CDH9: variants seen among roughly 807,000 people sequenced by gnomAD.
CDH9 encodes cadherin-9.
A neutral mutation model predicts 70.9 loss-of-function variants in CDH9; 28 were observed. The observed-to-expected ratio is 0.40, with a 90% CI of 0.29 to 0.54. The LOEUF (loss-of-function observed/expected upper bound fraction) is 0.54, where lower values mean the gene tolerates loss of function less well. Among genes scored for constraint, CDH9 ranks in the 20% least tolerant of loss-of-function variants. The pLI is 0.59. For synonymous variants in CDH9, 409 were observed against 343.1 expected (o/e 1.19, Z -2.12); for missense variants, 874 against 984.4 (o/e 0.89, Z 1.50).
At chr5:27,013,336 G>A (rs1742990170) in intron 1 of CDH9, among the ~76,000 whole-genome samples, 1 of 151,850 alleles carries the variant, frequency 6.6e-6, no homozygotes, top group South Asian at 2.1e-4. Context: ...AACTGCTTGA[G>A]GTCTGGTGCT....
At chr5:26,928,735 C>G (rs1254280084) in intron 2 of CDH9, among the ~76,000 whole-genome samples, 1 of 151,752 alleles carries the variant, frequency 6.6e-6, no homozygotes, top group Non-Finnish European at 1.5e-5. Context: ...AGAATATATG[C>G]TGAGGAAAGG....
At chr5:26,948,798 G>C (rs914003117) in intron 2 of CDH9, among the ~76,000 whole-genome samples, 1 of 152,250 alleles carries the variant, frequency 6.6e-6, no homozygotes, top group South Asian at 2.1e-4. Flanking sequence ...GACAAAAAAG[G>C]CTATATCTAT....
Position 26,902,547 on chromosome 5 carries a change from T to C in CDH9, c.1182A>G (p.Glu394=), listed in dbSNP as rs1184409817. Residue 394 remains glutamate, a synonymous_variant, in exon 7 of 12, where the codon GAA becomes GAG. Transcript: ENST00000231021. ...TKVSYLIEVD[E]DVKEGSIIGQ... ...CAATGATACTGCCCTCCTTTACATC[T>C]TCATCTACTTCTATCAAGTAAGAGA... is the stretch of plus-strand genomic sequence containing the variant. 6.3e-7 allele frequency: 1 copy of C among 1,592,822 alleles called. No homozygotes were observed. Among genetic ancestry groups the C allele is most frequent in the East Asian group, 2.2e-5 (1 of 44,726 alleles).
At chr5:26,955,273 G>A (rs1442959942) in intron 2 of CDH9, among the ~76,000 whole-genome samples, 1 of 152,028 alleles carries the variant, frequency 6.6e-6, no homozygotes, top group East Asian at 1.9e-4. Context: ...CCTTATTTAT[G>A]TCCTGGATAA....
At chr5:26,901,361 AT>A (rs1740851092) in intron 7 of CDH9, among the ~76,000 whole-genome samples, 2 of 151,918 alleles carry the variant, frequency 1.3e-5, no homozygotes, top group Non-Finnish European at 2.9e-5. Context: ...TACACATTGG[AT>A]TTTATGGACT....
At chr5:27,015,796 G>T (rs1330845973) in intron 1 of CDH9, among the ~76,000 whole-genome samples, 1 of 151,588 alleles carries the variant, frequency 6.6e-6, no homozygotes, top group Non-Finnish European at 1.5e-5. Flanking sequence ...TTTTATAATA[G>T]AATTCTGCTT....
intron 2 of CDH9, among the ~76,000 whole-genome samples, chr5:26,977,392 A>T (rs1351117764): frequency 1.3e-5 from 2 of 151,576 alleles, no homozygotes; most frequent in Non-Finnish European, 1.5e-5. Context: ...ATTGACATCA[A>T]ATATAATTGA....
intron 3 of CDH9, among the ~76,000 whole-genome samples, chr5:26,909,527 A>AT (rs919660200): frequency 2.0e-5 from 3 of 148,032 alleles, no homozygotes; most frequent in Admixed American, 6.7e-5. Flanking sequence ...TTTTGAGACC[A>AT]TTTTTTTTCT....
In CDH9 at chr5:26,911,715, T is replaced by C. The variant is rs112661956; in HGVS notation, c.523+3915A>G. 4.1e-4 allele frequency among the ~76,000 whole-genome samples: 62 copies of C among 152,228 alleles called. 1 individual carries two copies. The highest frequency in any genetic ancestry group is 1.5e-3 in the African/African-American group (62 of 41,550). ...AATAGAAATGGAAAATACAAAACAT[T>C]GTAATCAAAGTGTATCCCATTATCT... On this transcript the variant is annotated intron_variant, in intron 3 of 11. Transcript: ENST00000231021.
At chr5:26,982,857 A>AT (rs1010800499) in intron 2 of CDH9, among the ~76,000 whole-genome samples, 18 of 149,296 alleles carry the variant, frequency 1.2e-4, no homozygotes, top group South Asian at 8.5e-4. Context: ...TAATATTTGT[A>AT]TTTTTTTTTA....
At chr5:26,948,014 T>C (rs1223156112) in intron 2 of CDH9, among the ~76,000 whole-genome samples, 1 of 152,114 alleles carries the variant, frequency 6.6e-6, no homozygotes, top group African/African-American at 2.4e-5. Context: ...TCGAAACTTC[T>C]CCATTTATTG....
At position 26,931,008 on chromosome 5, in the gene CDH9, T is replaced by C. The variant is rs868159493; in HGVS notation, c.229-15084A>G. Among the ~76,000 whole-genome samples the C allele has an allele frequency of 2.8e-4, 42 of 152,300 alleles. No homozygotes were observed. The South Asian group carries it at 4.1e-3, about 15-fold the overall frequency. On this transcript the variant is annotated intron_variant, in intron 2 of 11. Transcript: ENST00000231021. ...AAAACCAATTATAATCCTACTTCTA[T>C]GCAATGTATTTCCACTATAAAGATT...
intron 1 of CDH9, among the ~76,000 whole-genome samples, chr5:27,001,844 ACTCTCT>A (rs141271541): frequency 1.3e-3 from 178 of 141,904 alleles, no homozygotes; most frequent in Non-Finnish European, 1.4e-3. Context: ...ACACACACAC[ACTCTCT>A]CTCTCTCTCT....
At chr5:26,952,921 A>AAAAAAAAGC (rs1554000078) in intron 2 of CDH9, among the ~76,000 whole-genome samples, 1 of 129,302 alleles carries the variant, frequency 7.7e-6, no homozygotes, top group African/African-American at 2.9e-5. Context: ...AAAAAAAAAA[A>AAAAAAAAGC]AGTTTAAAGA....
chr5:26,949,580 C>T (rs1741809992), intron 2 of CDH9, among the ~76,000 whole-genome samples: 1 of 152,174 alleles, frequency 6.6e-6, no homozygotes, highest in Admixed American at 6.5e-5. Flanking sequence ...ACAGAAGAAA[C>T]ATTGAACTCA....
At chr5:26,955,386 TA>T (rs1741928867) in intron 2 of CDH9, among the ~76,000 whole-genome samples, 1 of 152,152 alleles carries the variant, frequency 6.6e-6, no homozygotes. Flanking sequence ...GTAAATAAAT[TA>T]AAATCAAGTT....
chr5:27,024,539 G>C (rs1407925402), intron 1 of CDH9, among the ~76,000 whole-genome samples: 1 of 152,040 alleles, frequency 6.6e-6, no homozygotes, highest in Non-Finnish European at 1.5e-5. Flanking sequence ...CTCAAACACA[G>C]TAGTGAAATT....
Position 26,915,901 on chromosome 5 carries a change from T to G in CDH9, c.252A>C (p.Gly84=), listed in dbSNP as rs772674563. Residue 84 remains glycine (G), a synonymous_variant, in exon 3 of 12, where the codon GGA becomes GGC. Transcript: ENST00000231021. ...TTAGTATGTATTTTAAATTTCCATC[T>G]CCTTTATCTTGGTCAGTGTGAAGCT... ...VGKLHTDQDK[G]DGNLKYILTG... The G allele has an allele frequency of 5.0e-5, 80 of 1,610,274 alleles. No homozygotes were observed. The highest frequency in any genetic ancestry group is 6.5e-5 in the Non-Finnish European group (77 of 1,177,370).
intron 2 of CDH9, among the ~76,000 whole-genome samples, chr5:26,922,108 A>G (rs1274444241): frequency 6.6e-6 from 1 of 152,070 alleles, no homozygotes; most frequent in Non-Finnish European, 1.5e-5. Context: ...ACTGCCTCAA[A>G]AGGGAAAATT....
Sources: allele counts gnomAD v4.1 joint callset (sites outside exome capture counted in the v4.1 genomes callset), GRCh38; gene constraint gnomAD v4.1.1; transcripts MANE v1.5; gene names NCBI Gene and HGNC (gene_info 2026-07-23, HGNC 2026-07-21).